The following MBOAT2 variants were observed in gnomAD, a reference collection of about 807,000 sequenced individuals.
The protein encoded by MBOAT2 is membrane-bound glycerophospholipid O-acyltransferase 2.
A neutral mutation model predicts 63.4 loss-of-function variants in MBOAT2; 28 were observed. The ratio of observed to expected loss-of-function variants is 0.44; its 90% CI spans 0.33 to 0.61. The LOEUF is 0.61. Among genes scored for constraint, MBOAT2 ranks in the 20% least tolerant of loss-of-function variants. The pLI, the probability that MBOAT2 is intolerant of heterozygous loss-of-function variation, is 0.03. For missense variants in MBOAT2, 470 were observed against 605.8 expected, an observed-to-expected ratio of 0.78 and a Z score of 2.35; for synonymous variants, 211 against 215.6, an observed-to-expected ratio of 0.98 and a Z score of 0.19.
intron 3 of MBOAT2, among the ~76,000 whole-genome samples, chr2:8,911,096 A>G (rs541887561): frequency 6.6e-6 from 1 of 152,324 alleles, no homozygotes; most frequent in East Asian, 1.9e-4. Flanking sequence ...TTACAGTCCA[A>G]TCATTTTCAT....
chr2:8,876,282 T>C (rs1212863526), intron 7 of MBOAT2, among the ~76,000 whole-genome samples: 3 of 152,238 alleles, frequency 2.0e-5, no homozygotes, highest in African/African-American at 4.8e-5. Flanking sequence ...TTGCACTGGT[T>C]TGAATTCCAG....
Position 8,917,196 on chromosome 2 carries a change from C to T in MBOAT2, c.300-8480G>A, listed in dbSNP as rs761814408. 3.4e-4 allele frequency among the ~76,000 whole-genome samples: 51 copies of T among 151,912 alleles called. 1 individual carries two copies. The highest frequency in any genetic ancestry group is 4.6e-4 in the Non-Finnish European group (31 of 67,974). On this transcript the variant is annotated intron_variant, in intron 3 of 12. Coordinates refer to ENST00000305997, the MANE Select transcript of MBOAT2 (RefSeq NM_138799.4). Reference sequence around the variant, plus strand: ...ACTTCTAGGAGAAATTATTCATAAACCAAGGGCAGGCACAGGTTTCTTAGT... The same window carrying T: ...ACTTCTAGGAGAAATTATTCATAAATCAAGGGCAGGCACAGGTTTCTTAGT...
chr2:8,859,113 A>C (rs1264116424), intron 12 of MBOAT2, among the ~76,000 whole-genome samples: 1 of 152,234 alleles, frequency 6.6e-6, no homozygotes, highest in Non-Finnish European at 1.5e-5. Context: ...CAGGCTAATT[A>C]GAAGCCTGAT....
At chr2:8,954,879 C>T (rs1038931211) in intron 2 of MBOAT2, among the ~76,000 whole-genome samples, 6 of 152,296 alleles carry the variant, frequency 3.9e-5, no homozygotes, top group Middle Eastern at 3.4e-3. Context: ...GGAGCAGAGG[C>T]GGCCCTGTCA....
At chr2:8,871,622 A>C (rs1384489700) in intron 8 of MBOAT2, among the ~76,000 whole-genome samples, 1 of 152,190 alleles carries the variant, frequency 6.6e-6, no homozygotes, top group African/African-American at 2.4e-5. Context: ...TCAATCCTTA[A>C]AGAAATCTTA....
intron 4 of MBOAT2, among the ~76,000 whole-genome samples, chr2:8,902,593 C>A (rs1407795091): frequency 6.6e-6 from 1 of 152,058 alleles, no homozygotes; most frequent in African/African-American, 2.4e-5. Flanking sequence ...TTGTTCATTC[C>A]TCCCGGTGGG....
At chr2:8,901,711 C>A (rs1032887719) in intron 4 of MBOAT2, among the ~76,000 whole-genome samples, 2 of 152,222 alleles carry the variant, frequency 1.3e-5, no homozygotes, top group East Asian at 3.9e-4. Context: ...TCCAGATAGT[C>A]CCCCCTACGA....
Position 8,912,288 on chromosome 2 carries a change from GGAAAAGAAA to G in MBOAT2, c.300-3581_300-3573del, listed in dbSNP as rs1486441989. On this transcript the variant is annotated intron_variant, in intron 3 of 12. Coordinates refer to ENST00000305997, the MANE Select transcript of MBOAT2 (RefSeq NM_138799.4). ...CATAGAGAAAGACAGAAAGACAGAA[GGAAAAGAAA>G]GAAAAGAAAGAAAGAAAGAAAGAAA... Among the ~76,000 whole-genome samples, 347 of 84,414 alleles carry G rather than the reference GGAAAAGAAA, an allele frequency of 4.1e-3. 3 individuals carry two copies. The highest frequency in any genetic ancestry group is 0.014 in the Middle Eastern group (2 of 140). The allele number at this position is 84,414 out of a possible 152,430, so 55.4% of individuals were successfully genotyped here.
chr2:8,985,048 G>T (rs2103346678), intron 1 of MBOAT2, among the ~76,000 whole-genome samples: 1 of 152,146 alleles, frequency 6.6e-6, no homozygotes, highest in South Asian at 2.1e-4. Flanking sequence ...AGAAAAAAAT[G>T]TAAGGCTCAA....
chr2:8,867,698 T>C (rs1662001547), intron 9 of MBOAT2, among the ~76,000 whole-genome samples: 1 of 152,224 alleles, frequency 6.6e-6, no homozygotes, highest in African/African-American at 2.4e-5. Context: ...TTGAGTCTCT[T>C]ACACATCTCT....
chr2:8,931,355 T>C lies in MBOAT2; in HGVS notation c.299+11832A>G, dbSNP rs189136936. On this transcript the variant is annotated intron_variant, in intron 3 of 12. Transcript: ENST00000305997. ...TTGAGAAGTGTCAGTACAGGAAGCA[T>C]GGTGCTGACATCTGCTTGGCTTCTG... Among the ~76,000 whole-genome samples the C allele has an allele frequency of 2.6e-5, 4 of 152,246 alleles. No homozygotes were observed. In the East Asian group the frequency reaches 7.7e-4, roughly 29 times the overall value.
chr2:8,982,658 A>G (rs1253787130), intron 1 of MBOAT2, among the ~76,000 whole-genome samples: 1 of 152,174 alleles, frequency 6.6e-6, no homozygotes, highest in African/African-American at 2.4e-5. Flanking sequence ...GCTCAGATGT[A>G]AGATCTCCCC....
intron 3 of MBOAT2, among the ~76,000 whole-genome samples, chr2:8,924,317 C>T (rs1176570664): frequency 6.6e-6 from 1 of 152,086 alleles, no homozygotes; most frequent in Admixed American, 6.6e-5. Flanking sequence ...TACAGAGACA[C>T]CAGATTCTGG....
chr2:8,951,260 A>G (rs902295190), intron 2 of MBOAT2, among the ~76,000 whole-genome samples: 1 of 150,918 alleles, frequency 6.6e-6, no homozygotes. Context: ...GCTGGAGTAC[A>G]GTGGCATGGT....
intron 1 of MBOAT2, among the ~76,000 whole-genome samples, chr2:8,968,877 T>C (rs548792937): frequency 6.6e-6 from 1 of 152,226 alleles, no homozygotes; most frequent in Non-Finnish European, 1.5e-5. Flanking sequence ...TATGGGACTA[T>C]GTGAAAAGAC....
At chr2:8,907,311 C>A (rs1035627599) in intron 4 of MBOAT2, among the ~76,000 whole-genome samples, 1 of 152,188 alleles carries the variant, frequency 6.6e-6, no homozygotes, top group Non-Finnish European at 1.5e-5. Flanking sequence ...TTATTCCCGA[C>A]TCAATATATA....
At chr2:8,970,787 T>TC (rs1265590866) in intron 1 of MBOAT2, among the ~76,000 whole-genome samples, 3 of 152,170 alleles carry the variant, frequency 2.0e-5, no homozygotes, top group African/African-American at 7.2e-5. Flanking sequence ...ATGGATGAAT[T>TC]CCTCGACACA....
chr2:8,963,499 T>C (rs1456096124), intron 1 of MBOAT2, among the ~76,000 whole-genome samples: 1 of 152,000 alleles, frequency 6.6e-6, no homozygotes, highest in Non-Finnish European at 1.5e-5. Flanking sequence ...AGATGGGGTT[T>C]CTCCATGTTG....
At chr2:8,895,686 C>T (rs1333089728) in intron 4 of MBOAT2, among the ~76,000 whole-genome samples, 1 of 152,188 alleles carries the variant, frequency 6.6e-6, no homozygotes, top group Non-Finnish European at 1.5e-5. Context: ...CCGATGACCG[C>T]TCTAGCTACT....
Sources: allele counts gnomAD v4.1 joint callset (sites outside exome capture counted in the v4.1 genomes callset), GRCh38; gene constraint gnomAD v4.1.1; transcripts MANE v1.5; gene names NCBI Gene and HGNC (gene_info 2026-07-23, HGNC 2026-07-21).